ZNF182: variants seen among roughly 807,000 people sequenced by gnomAD.
ZNF182 encodes the protein zinc finger protein 21 (KOX 14).
In ZNF182, 10 loss-of-function variants were observed where a neutral mutation model predicts 28.1. That is an observed-to-expected ratio of 0.36 (90% CI 0.22 to 0.60). The LOEUF (loss-of-function observed/expected upper bound fraction) is 0.60, where lower values mean the gene tolerates loss of function less well. Ranked by LOEUF, ZNF182 falls within the 20% of genes least tolerant of loss-of-function variation. ZNF182 has a pLI of 0.75. For synonymous variants in ZNF182, 156 were observed against 158.7 expected (o/e 0.98, Z 0.13); for missense variants, 352 against 453.2 (o/e 0.78, Z 2.03).
At chrX:47,979,343 G>A (rs2058896347) in intron 5 of ZNF182, among the ~76,000 whole-genome samples, 1 of 111,343 alleles carries the variant, frequency 9.0e-6, no homozygotes, top group African/African-American at 3.3e-5. Flanking sequence ...TGCTCTCCAT[G>A]GGACCCAAGC....
At chrX:48,001,695 A>G (rs1323779603) in intron 3 of ZNF182, among the ~76,000 whole-genome samples, 1 of 111,767 alleles carries the variant, frequency 8.9e-6, no homozygotes, top group Non-Finnish European at 1.9e-5. Context: ...GGAAAAGAGT[A>G]CACAGGATTT....
chrX:47,984,451 G>A (rs2058917053), intron 3 of ZNF182, among the ~76,000 whole-genome samples: 1 of 110,995 alleles, frequency 9.0e-6, no homozygotes, highest in Admixed American at 9.7e-5. Context: ...ATGTGCTCTA[G>A]AAAACAAATA....
intron 3 of ZNF182, chrX:47,988,485 C>T: frequency 2.2e-6 from 1 of 460,943 alleles, no homozygotes; most frequent in Non-Finnish European, 3.9e-6. Flanking sequence ...TGGTGCCTCC[C>T]TCCCCCACTC....
At chrX:47,991,790 G>A (rs1017262317) in intron 3 of ZNF182, among the ~76,000 whole-genome samples, 18 of 110,351 alleles carry the variant, frequency 1.6e-4, no homozygotes, top group Non-Finnish European at 2.8e-4. Flanking sequence ...CCCCAACAAC[G>A]GAAGGCAACC....
chrX:47,995,102 C>A (rs1283390518), intron 3 of ZNF182, among the ~76,000 whole-genome samples: 1 of 109,086 alleles, frequency 9.2e-6, no homozygotes, highest in Non-Finnish European at 1.9e-5. Flanking sequence ...GAGGCTGAGG[C>A]GGGCAGATCA....
chrX:47,975,994 G>T lies in ZNF182; in HGVS notation c.*173C>A. On this transcript the variant is annotated 3_prime_UTR_variant, in exon 6 of 6. Coordinates refer to ENST00000376943, the MANE Select transcript of ZNF182 (RefSeq NM_001007088.2). Reference sequence around the variant, plus strand: ...GTCTCCTAATTTTGTCAGATACAGAGATTACACTTCTGCTTTTTCTCCCGT... The same window carrying T: ...GTCTCCTAATTTTGTCAGATACAGATATTACACTTCTGCTTTTTCTCCCGT... The T allele has an allele frequency of 2.2e-6, 1 of 455,079 alleles. No individual in the cohort carries two copies. Among genetic ancestry groups the T allele is most frequent in the East Asian group, 4.1e-5 (1 of 24,442 alleles). The allele number at this position is 455,079 out of a possible 1,213,427, so 37.5% of individuals were successfully genotyped here.
intron 3 of ZNF182, among the ~76,000 whole-genome samples, chrX:47,999,934 G>C (rs962539667): frequency 2.7e-5 from 3 of 110,069 alleles, no homozygotes; most frequent in Non-Finnish European, 1.9e-5. Context: ...TCAGCAGTTC[G>C]AGACCAGCCT....
intron 5 of ZNF182, among the ~76,000 whole-genome samples, chrX:47,978,661 T>C (rs186504998): frequency 8.9e-5 from 10 of 112,399 alleles, no homozygotes; most frequent in Non-Finnish European, 7.5e-5. Context: ...TATTCTGTAC[T>C]CCAAACCCTT....
intron 3 of ZNF182, among the ~76,000 whole-genome samples, chrX:47,994,202 T>G (rs1556900770): frequency 8.9e-6 from 1 of 112,328 alleles, no homozygotes; most frequent in African/African-American, 3.2e-5. Context: ...ATTTGAATGA[T>G]AGCAGATTTC....
At chrX:47,982,035 T>C (rs1370295583) in intron 5 of ZNF182, among the ~76,000 whole-genome samples, 1 of 111,868 alleles carries the variant, frequency 8.9e-6, no homozygotes, top group Non-Finnish European at 1.9e-5. Flanking sequence ...CACAGCACCA[T>C]TATCCATAAT....
At chrX:47,978,648 G>C (rs1280286079) in intron 5 of ZNF182, among the ~76,000 whole-genome samples, 2 of 112,096 alleles carry the variant, frequency 1.8e-5, no homozygotes, top group Non-Finnish European at 3.8e-5. Flanking sequence ...TAAAACCTCT[G>C]CCTATTCTGT....
chrX:47,980,343 G>A (rs1330512270), intron 5 of ZNF182, among the ~76,000 whole-genome samples: 7 of 74,036 alleles, frequency 9.5e-5, no homozygotes, highest in African/African-American at 2.5e-4. Flanking sequence ...TGGGTGCAAA[G>A]ATATAGTTAG....
chrX:47,987,065 A>T (rs1347906835), intron 3 of ZNF182, among the ~76,000 whole-genome samples: 2 of 111,802 alleles, frequency 1.8e-5, no homozygotes, highest in Non-Finnish European at 3.8e-5. Context: ...ACTCCTTAAT[A>T]AAATCCCCCT....
At chrX:47,993,602 T>A (rs1556900718) in intron 3 of ZNF182, among the ~76,000 whole-genome samples, 1 of 111,783 alleles carries the variant, frequency 8.9e-6, no homozygotes, top group Non-Finnish European at 1.9e-5. Context: ...TTACAAAGAT[T>A]TAAAGCAGCC....
chrX:47,977,472 G>A lies in ZNF182; in HGVS notation c.558C>T (p.Pro186=). Residue 186 remains proline, a synonymous_variant, in exon 6 of 6, where the codon CCC becomes CCT. Transcript: ENST00000376943. Reference sequence around the variant, plus strand: ...CTTTCCCACACTCTTTATAGCCATAGGGCTTCATTCCAGGATTTGTTTTCT... The same window carrying A: ...CTTTCCCACACTCTTTATAGCCATAAGGCTTCATTCCAGGATTTGTTTTCT... ...EYEKTNPGMK[P]YGYKECGKGL... 8.3e-7 allele frequency: 1 copy of A among 1,211,728 alleles called. No individual in the cohort carries two copies. The highest frequency in any genetic ancestry group is 1.8e-5 in the South Asian group (1 of 56,947).
In ZNF182 at chrX:47,977,401, T is replaced by A; in HGVS notation, c.629A>T (p.Asn210Ile). 2 of 1,207,726 alleles carry A rather than the reference T, an allele frequency of 1.7e-6. No homozygotes were observed. The highest frequency in any genetic ancestry group is 1.7e-5 in the African/African-American group (1 of 57,650). The change falls in exon 6 of 6, where the codon AAT becomes ATT. Residue 210 changes from asparagine (N) to isoleucine (I), a missense_variant. Physicochemically the swap from Asn to Ile is moderately radical, Grantham distance 149 (BLOSUM62 -3). Coordinates refer to ENST00000376943, the MANE Select transcript of ZNF182 (RefSeq NM_001007088.2). ...KGLSLHQRIKNGEKPFECTAC... is the reference protein window; with the variant it reads ...KGLSLHQRIKIGEKPFECTAC... ...AGTACATTCAAAGGGTTTCTCTCCATTTTTAATTCTCTGATGTAGACTAAG... is the reference window on the plus strand; with the variant it reads ...AGTACATTCAAAGGGTTTCTCTCCAATTTTAATTCTCTGATGTAGACTAAG...
chrX:47,997,214 G>A (rs1388906682), intron 3 of ZNF182, among the ~76,000 whole-genome samples: 1 of 107,299 alleles, frequency 9.3e-6, no homozygotes, highest in Non-Finnish European at 1.9e-5. Context: ...AGCTACTTGG[G>A]AGGTTGAGGT....
chrX:47,977,370 A>G lies in ZNF182; in HGVS notation c.660T>C (p.Cys220=). The part of the protein sequence containing the change: ...NGEKPFECTA[C]RKTFSKKSHL... Reference sequence around the variant, plus strand: ...GTGACTTCTTGCTGAAGGTTTTCCTACATGCAGTACATTCAAAGGGTTTCT... The same window carrying G: ...GTGACTTCTTGCTGAAGGTTTTCCTGCATGCAGTACATTCAAAGGGTTTCT... The change falls in exon 6 of 6, where the codon TGT becomes TGC. Residue 220 remains cysteine (C), a synonymous_variant. Transcript: ENST00000376943. 8.3e-7 allele frequency: 1 copy of G among 1,205,752 alleles called. No homozygotes were observed. Among genetic ancestry groups the G allele is most frequent in the Non-Finnish European group, 1.1e-6 (1 of 893,462 alleles).
intron 3 of ZNF182, among the ~76,000 whole-genome samples, chrX:47,998,741 C>A (rs1036680228): frequency 9.1e-6 from 1 of 110,314 alleles, no homozygotes. Flanking sequence ...CGCCTGTAAT[C>A]CCAATTACTC....
Sources: allele counts gnomAD v4.1 joint callset (sites outside exome capture counted in the v4.1 genomes callset), GRCh38; gene constraint gnomAD v4.1.1; transcripts MANE v1.5; gene names NCBI Gene and HGNC (gene_info 2026-07-23, HGNC 2026-07-21).